Variants in ADCY8 observed in about 807,000 individuals in gnomAD.
The protein encoded by ADCY8 is adenylate cyclase 8, also known as adenylate cyclase type 8.
In ADCY8, 51 loss-of-function variants were observed where a neutral mutation model predicts 119.7. That is an observed-to-expected ratio of 0.43 (90% CI 0.34 to 0.54). The LOEUF (loss-of-function observed/expected upper bound fraction) is 0.54. ADCY8 is among the 20% of genes least tolerant of loss of function. The pLI is 0.03. For synonymous variants in ADCY8, 665 were observed against 651.0 expected (o/e 1.02, Z -0.33); for missense variants, 1,383 against 1,598.8 (o/e 0.87, Z 2.30).
At chr8:130,889,533 C>A (rs1358352687) in intron 7 of ADCY8, among the ~76,000 whole-genome samples, 1 of 152,140 alleles carries the variant, frequency 6.6e-6, no homozygotes, top group Admixed American at 6.6e-5. Flanking sequence ...TAAAGTTCTT[C>A]CCTGCTTTTA....
At chr8:130,908,625 G>A (rs1164855850) in intron 6 of ADCY8, among the ~76,000 whole-genome samples, 1 of 152,158 alleles carries the variant, frequency 6.6e-6, no homozygotes, top group Non-Finnish European at 1.5e-5. Flanking sequence ...AGGAAAATAA[G>A]TTCACAAGGT....
chr8:130,863,163 AT>A (rs1475371408), intron 9 of ADCY8, among the ~76,000 whole-genome samples: 2 of 151,526 alleles, frequency 1.3e-5, no homozygotes, highest in African/African-American at 4.9e-5. Context: ...TGTTAGGCAC[AT>A]AAATGTTCAT....
At chr8:130,883,393 A>T (rs1460193818) in intron 8 of ADCY8, among the ~76,000 whole-genome samples, 1 of 152,126 alleles carries the variant, frequency 6.6e-6, no homozygotes, top group East Asian at 1.9e-4. Flanking sequence ...GAGTGAGGCA[A>T]AATGTTTCTT....
chr8:131,017,561 A>T (rs1436355653), intron 1 of ADCY8, among the ~76,000 whole-genome samples: 1 of 152,200 alleles, frequency 6.6e-6, no homozygotes, highest in Non-Finnish European at 1.5e-5. Flanking sequence ...GAAGCCAGAG[A>T]GCACTGGGTG....
intron 9 of ADCY8, among the ~76,000 whole-genome samples, chr8:130,857,981 A>T (rs768526721): frequency 3.8e-4 from 58 of 152,326 alleles, no homozygotes; most frequent in Middle Eastern, 6.8e-3. Context: ...TAAGTATTTT[A>T]ATAATTATCC....
chr8:130,983,671 C>T (rs1222226965), intron 2 of ADCY8, among the ~76,000 whole-genome samples: 2 of 152,058 alleles, frequency 1.3e-5, no homozygotes, highest in Admixed American at 1.3e-4. Flanking sequence ...GTTCTATGGG[C>T]AGTAGCAATC....
At chr8:131,027,144 T>A (rs570503532) in intron 1 of ADCY8, among the ~76,000 whole-genome samples, 1 of 152,336 alleles carries the variant, frequency 6.6e-6, no homozygotes, top group African/African-American at 2.4e-5. Context: ...AAATTCTGCT[T>A]ATCTCTCTGC....
intron 14 of ADCY8, among the ~76,000 whole-genome samples, chr8:130,811,898 T>C (rs779055624): frequency 6.6e-6 from 1 of 152,152 alleles, no homozygotes; most frequent in Non-Finnish European, 1.5e-5. Context: ...ACCAAACCCA[T>C]TCACATAATA....
intron 5 of ADCY8, among the ~76,000 whole-genome samples, chr8:130,920,951 TA>T (rs544963760): frequency 2.0e-4 from 30 of 152,366 alleles, no homozygotes; most frequent in African/African-American, 7.0e-4. Context: ...CTGCAGATTT[TA>T]GACTTAACTA....
At chr8:130,952,043 G>A (rs1425231215) in intron 2 of ADCY8, 45 bp from the exon 3 acceptor site, 1 of 1,606,558 alleles carries the variant, frequency 6.2e-7, no homozygotes, top group African/African-American at 1.3e-5. Flanking sequence ...TGACCAGCGA[G>A]TCTCAGATGG....
chr8:130,836,940 G>A (rs1184298198), intron 11 of ADCY8, among the ~76,000 whole-genome samples: 1 of 151,958 alleles, frequency 6.6e-6, no homozygotes, highest in African/African-American at 2.4e-5. Flanking sequence ...CACCATGTTG[G>A]CCAGGCTGGT....
intron 6 of ADCY8, among the ~76,000 whole-genome samples, chr8:130,908,609 T>G (rs1486879566): frequency 6.6e-6 from 1 of 152,132 alleles, no homozygotes; most frequent in Non-Finnish European, 1.5e-5. Flanking sequence ...CAAACTCTCA[T>G]GGAGGAGGAA....
intron 9 of ADCY8, among the ~76,000 whole-genome samples, chr8:130,852,656 T>C (rs1489691249): frequency 3.3e-5 from 5 of 152,026 alleles, no homozygotes; most frequent in East Asian, 1.9e-4. Flanking sequence ...AATTCTTACA[T>C]GGCCACCACT....
Position 131,040,065 on chromosome 8 carries a change from G to C in ADCY8, c.269C>G (p.Pro90Arg). ...CTCTCCCGGGCCCAGCGAGTAGAGGGGCAGCGCCGAGTCGCCTGACAGCTG... is the reference window on the plus strand; with the variant it reads ...CTCTCCCGGGCCCAGCGAGTAGAGGCGCAGCGCCGAGTCGCCTGACAGCTG... ...APQLSGDSAL[P>R]LYSLGPGERA... The change falls in exon 1 of 18, where the codon CCC becomes CGC. Residue 90 changes from proline to arginine, a missense_variant. Transcript: ENST00000286355. 1 of 1,542,084 alleles carries C rather than the reference G, an allele frequency of 6.5e-7. No individual in the cohort carries two copies. The highest frequency in any genetic ancestry group is 8.7e-7 in the Non-Finnish European group (1 of 1,149,230).
At chr8:131,014,484 A>T (rs1823407190) in intron 1 of ADCY8, among the ~76,000 whole-genome samples, 1 of 152,164 alleles carries the variant, frequency 6.6e-6, no homozygotes, top group Non-Finnish European at 1.5e-5. Context: ...TTTAGATTTA[A>T]ATCCTAATTC....
intron 2 of ADCY8, among the ~76,000 whole-genome samples, chr8:130,977,888 G>A (rs1822120870): frequency 6.6e-6 from 1 of 152,138 alleles, no homozygotes; most frequent in Admixed American, 6.5e-5. Context: ...ATCACATGGG[G>A]CTGACTCTCG....
chr8:130,807,971 G>A (rs1212447618), intron 14 of ADCY8, among the ~76,000 whole-genome samples: 3 of 75,282 alleles, frequency 4.0e-5, no homozygotes, highest in Non-Finnish European at 4.9e-5. Context: ...GTGACAGAGC[G>A]AGACTCCGTC....
At chr8:130,864,652 T>C (rs891529004) in intron 9 of ADCY8, among the ~76,000 whole-genome samples, 6 of 152,188 alleles carry the variant, frequency 3.9e-5, no homozygotes, top group Non-Finnish European at 8.8e-5. Flanking sequence ...ATTGAGCCCA[T>C]TGAAGGCATT....
intron 7 of ADCY8, among the ~76,000 whole-genome samples, chr8:130,896,206 A>T (rs1819381177): frequency 6.6e-6 from 1 of 152,048 alleles, no homozygotes; most frequent in Admixed American, 6.6e-5. Flanking sequence ...GAGCCTGCTG[A>T]CCTCTTAGTA....
Sources: allele counts gnomAD v4.1 joint callset (sites outside exome capture counted in the v4.1 genomes callset), GRCh38; gene constraint gnomAD v4.1.1; transcripts MANE v1.5; gene names NCBI Gene and HGNC (gene_info 2026-07-23, HGNC 2026-07-21).